Variants in MAP7D2 observed in about 807,000 individuals in gnomAD.
The protein encoded by MAP7D2 is MAP7 domain containing 2, also known as MAP7 domain-containing protein 2.
Under a neutral mutation model 63.5 loss-of-function variants are expected in MAP7D2, and 33 were observed. The ratio of observed to expected loss-of-function variants is 0.52; its 90% CI spans 0.39 to 0.70. The LOEUF is 0.70. Ranked by LOEUF, MAP7D2 falls within the 30% of genes least tolerant of loss-of-function variation. The pLI is 0.00. For synonymous variants in MAP7D2, 224 were observed against 223.7 expected (o/e 1.00, Z -0.01); for missense variants, 626 against 604.0 (o/e 1.04, Z -0.38).
At chrX:20,099,834 T>A (rs1340315618) in intron 1 of MAP7D2, among the ~76,000 whole-genome samples, 1 of 112,148 alleles carries the variant, frequency 8.9e-6, no homozygotes, top group Non-Finnish European at 1.9e-5. Context: ...TACAGTGAAG[T>A]CATTTCCAAC....
At chrX:20,039,368 T>C (rs779639247) in intron 8 of MAP7D2, among the ~76,000 whole-genome samples, 1 of 112,379 alleles carries the variant, frequency 8.9e-6, no homozygotes, top group East Asian at 2.8e-4. Flanking sequence ...ATTGATGTCA[T>C]ATCAGCATTT....
chrX:20,014,986 G>A (rs780483575), intron 12 of MAP7D2, among the ~76,000 whole-genome samples: 5 of 111,516 alleles, frequency 4.5e-5, no homozygotes, highest in Admixed American at 2.9e-4. Context: ...CTAAATGCTG[G>A]GATTACAGGT....
chrX:20,115,433 T>A (rs1045816038), intron 1 of MAP7D2, among the ~76,000 whole-genome samples: 6 of 111,087 alleles, frequency 5.4e-5, no homozygotes, highest in African/African-American at 2.0e-4. Flanking sequence ...TTATACAAGG[T>A]CGCCTCTGCC....
At chrX:20,065,420 C>A (rs2148387196) in intron 1 of MAP7D2, among the ~76,000 whole-genome samples, 1 of 109,785 alleles carries the variant, frequency 9.1e-6, no homozygotes, top group Admixed American at 9.7e-5. Context: ...GTGCGTGCAA[C>A]CACGCATGGC....
At chrX:20,057,872 T>C (rs1311623360) in intron 3 of MAP7D2, among the ~76,000 whole-genome samples, 1 of 112,630 alleles carries the variant, frequency 8.9e-6, no homozygotes, top group Non-Finnish European at 1.9e-5. Context: ...GGCTCCTTTA[T>C]GTCACACTTA....
intron 7 of MAP7D2, 110 bp from the exon 8 acceptor site, chrX:20,042,739 A>G (rs905672963): frequency 3.2e-6 from 3 of 949,464 alleles, no homozygotes; most frequent in African/African-American, 3.8e-5. Flanking sequence ...AGGGATCGAT[A>G]TGAAGCTATA....
intron 1 of MAP7D2, among the ~76,000 whole-genome samples, chrX:20,086,484 G>C (rs1346844250): frequency 8.9e-6 from 1 of 112,280 alleles, no homozygotes; most frequent in Non-Finnish European, 1.9e-5. Flanking sequence ...GAATGGAGGT[G>C]GGGAGGAGAG....
At chrX:20,047,475 T>G (rs2064829105) in intron 6 of MAP7D2, among the ~76,000 whole-genome samples, 1 of 110,816 alleles carries the variant, frequency 9.0e-6, no homozygotes, top group African/African-American at 3.3e-5. Flanking sequence ...GTAAAAAGAT[T>G]CATACAGCAA....
chrX:20,068,961 A>G (rs1214373352), intron 1 of MAP7D2, among the ~76,000 whole-genome samples: 1 of 111,714 alleles, frequency 9.0e-6, no homozygotes, highest in Admixed American at 9.5e-5. Flanking sequence ...CATGTAAGAA[A>G]TGCCTTTCGC....
intron 1 of MAP7D2, among the ~76,000 whole-genome samples, chrX:20,085,554 C>T (rs1029578343): frequency 8.9e-6 from 1 of 112,023 alleles, no homozygotes; most frequent in Non-Finnish European, 1.9e-5. Flanking sequence ...GTACTTTCAT[C>T]GAGCACAGTA....
At chrX:20,104,356 A>G (rs1281073849) in intron 1 of MAP7D2, among the ~76,000 whole-genome samples, 1 of 113,015 alleles carries the variant, frequency 8.8e-6, no homozygotes. Context: ...GCTGGAGTAC[A>G]GTGGCACAAT....
At chrX:20,029,915 C>G (rs758137865) in intron 8 of MAP7D2, among the ~76,000 whole-genome samples, 1 of 111,523 alleles carries the variant, frequency 9.0e-6, no homozygotes, top group South Asian at 3.8e-4. Context: ...GGACTTTGTA[C>G]CCTGTCAGCT....
intron 5 of MAP7D2, among the ~76,000 whole-genome samples, chrX:20,052,200 G>A (rs937439855): frequency 1.8e-4 from 20 of 112,275 alleles, no homozygotes; most frequent in Admixed American, 4.7e-4. Flanking sequence ...GAGAGCTTCC[G>A]TCATTTCCTT....
intron 1 of MAP7D2, among the ~76,000 whole-genome samples, chrX:20,082,499 C>T (rs1603394703): frequency 8.9e-6 from 1 of 112,390 alleles, no homozygotes; most frequent in East Asian, 2.8e-4. Flanking sequence ...CAGAGTTACC[C>T]CCATCCTAGG....
chrX:20,024,100 A>G (rs1005690505), intron 10 of MAP7D2, among the ~76,000 whole-genome samples: 3 of 112,169 alleles, frequency 2.7e-5, no homozygotes, highest in Admixed American at 9.4e-5. Flanking sequence ...GCTTCCTGTC[A>G]TGATAATTCT....
chrX:20,085,708 TTTTTTTC>T (rs2065894687), intron 1 of MAP7D2, among the ~76,000 whole-genome samples: 1 of 112,049 alleles, frequency 8.9e-6, no homozygotes. Context: ...TTTTCTCAAG[TTTTTTTC>T]TTTTTTCTTT....
rs1279999554 is a variant in MAP7D2, at chrX:20,034,493, C to T, written c.1007+8009G>A. On this transcript the variant is annotated intron_variant, in intron 8 of 16. Transcript: ENST00000379643. ...TCTGAATGTTTCTGTCTCCTCAAAACATGTGAGTTGAAACCCTAACCCCAT... is the reference window on the plus strand; with the variant it reads ...TCTGAATGTTTCTGTCTCCTCAAAATATGTGAGTTGAAACCCTAACCCCAT... Among the ~76,000 whole-genome samples the T allele has an allele frequency of 8.1e-5, 9 of 111,204 alleles. No homozygotes were observed. The East Asian group carries it at 1.4e-3, about 17-fold the overall frequency.
intron 1 of MAP7D2, among the ~76,000 whole-genome samples, chrX:20,105,132 G>C (rs1189929977): frequency 8.9e-6 from 1 of 111,881 alleles, no homozygotes; most frequent in African/African-American, 3.3e-5. Context: ...TGAGACTCCA[G>C]CTGCGAGGTC....
chrX:20,055,043 G>T (rs1228917223), intron 4 of MAP7D2, among the ~76,000 whole-genome samples: 1 of 109,122 alleles, frequency 9.2e-6, no homozygotes, highest in African/African-American at 3.4e-5. Flanking sequence ...ATGACCTTCC[G>T]CATTGTTGGT....
Sources: gnomAD v4.1 joint callset for allele counts (sites outside exome capture counted in the v4.1 genomes callset) on GRCh38, gnomAD v4.1.1 for gene constraint, MANE v1.5 for transcripts, NCBI Gene and HGNC (gene_info 2026-07-23, HGNC 2026-07-21) for gene names.